Variants in EPHB1 observed in about 807,000 individuals in gnomAD.
The protein encoded by EPHB1 is EPH receptor B1.
In EPHB1, 30 loss-of-function variants were observed where a neutral mutation model predicts 94.4. That is an observed-to-expected ratio of 0.32 (90% CI 0.24 to 0.43). The LOEUF (loss-of-function observed/expected upper bound fraction) is 0.43. Ranked by LOEUF, EPHB1 falls within the 20% of genes least tolerant of loss-of-function variation. EPHB1 has a pLI of 1.00. For missense variants in EPHB1, 1,055 were observed against 1,308.3 expected (o/e 0.81, Z 2.99); for synonymous variants, 522 against 489.1 (o/e 1.07, Z -0.89).
intron 1 of EPHB1, among the ~76,000 whole-genome samples, chr3:134,844,056 T>C (rs58785038): frequency 8.6e-4 from 131 of 152,344 alleles, no homozygotes; most frequent in African/African-American, 3.1e-3. Context: ...TTGTTACTGG[T>C]TTGTTTGTTT....
chr3:134,875,898 G>A (rs939666676), intron 1 of EPHB1, among the ~76,000 whole-genome samples: 11 of 152,072 alleles, frequency 7.2e-5, no homozygotes, highest in African/African-American at 1.9e-4. Context: ...CTGACATCCC[G>A]TGAGCCAGCC....
At chr3:135,083,289 T>G (rs1938225776) in intron 3 of EPHB1, among the ~76,000 whole-genome samples, 1 of 151,644 alleles carries the variant, frequency 6.6e-6, no homozygotes, top group African/African-American at 2.4e-5. Flanking sequence ...CTCTGGCAGG[T>G]GTACAGAGGA....
chr3:134,806,936 G>C (rs1035684284), intron 1 of EPHB1, among the ~76,000 whole-genome samples: 5 of 152,222 alleles, frequency 3.3e-5, no homozygotes, highest in Non-Finnish European at 5.9e-5. Flanking sequence ...ACTTAAAACG[G>C]GGAAGGGAGG....
Position 135,088,617 on chromosome 3 carries a change from G to T in EPHB1, c.806-17831G>T, listed in dbSNP as rs369261865. On this transcript the variant is annotated intron_variant, in intron 3 of 15. Coordinates refer to ENST00000398015, the MANE Select transcript of EPHB1 (RefSeq NM_004441.5). ...CTCATAGTTGAAGATGGCTGCTTGA[G>T]TTCCAACCATCATGTCTACTTTTCA... 1.9e-3 allele frequency among the ~76,000 whole-genome samples: 289 copies of T among 152,246 alleles called. 4 individuals are homozygous for T. The highest frequency in any genetic ancestry group is 6.7e-3 in the African/African-American group (280 of 41,532).
chr3:134,970,487 C>T (rs1933926235), intron 3 of EPHB1, among the ~76,000 whole-genome samples: 1 of 152,168 alleles, frequency 6.6e-6, no homozygotes, highest in African/African-American at 2.4e-5. Flanking sequence ...CTTTGTCTTA[C>T]TTCATGGCAC....
intron 1 of EPHB1, among the ~76,000 whole-genome samples, chr3:134,907,645 A>C (rs528210281): frequency 6.6e-6 from 1 of 151,594 alleles, no homozygotes; most frequent in East Asian, 1.9e-4. Context: ...AAAGTGACTG[A>C]CCCCCCTGCC....
At chr3:135,016,239 C>T (rs897274126) in intron 3 of EPHB1, among the ~76,000 whole-genome samples, 2 of 152,228 alleles carry the variant, frequency 1.3e-5, no homozygotes, top group African/African-American at 2.4e-5. Context: ...CTTCCAGCAA[C>T]AGCCTCTGTT....
At chr3:135,000,524 C>T (rs3853726) in intron 3 of EPHB1, among the ~76,000 whole-genome samples, 22,916 of 152,162 alleles carry the variant, frequency 0.15, 2,506 homozygotes, top group African/African-American at 0.3. Flanking sequence ...TTTTCTTTTT[C>T]GTATTCTTCC....
At chr3:134,820,073 G>A (rs929213344) in intron 1 of EPHB1, among the ~76,000 whole-genome samples, 2 of 150,636 alleles carry the variant, frequency 1.3e-5, no homozygotes, top group Admixed American at 6.6e-5. Flanking sequence ...CACCCCTCCT[G>A]TCATTCAGGG....
At chr3:134,973,519 C>T (rs1578244263) in intron 3 of EPHB1, among the ~76,000 whole-genome samples, 1 of 149,582 alleles carries the variant, frequency 6.7e-6, no homozygotes, top group South Asian at 2.2e-4. Flanking sequence ...GCAACCTCCA[C>T]CTCCTGGGTT....
intron 3 of EPHB1, among the ~76,000 whole-genome samples, chr3:135,088,675 C>A (rs1424127196): frequency 6.6e-6 from 1 of 152,148 alleles, no homozygotes; most frequent in Non-Finnish European, 1.5e-5. Flanking sequence ...GGAAGAAGAG[C>A]TAACTTTCTC....
chr3:135,017,810 G>A (rs1164884741), intron 3 of EPHB1, among the ~76,000 whole-genome samples: 2 of 152,210 alleles, frequency 1.3e-5, no homozygotes, highest in Admixed American at 1.3e-4. Context: ...GTCAAGGACT[G>A]TGTCTTTTCA....
chr3:135,054,817 C>A (rs761949032), intron 3 of EPHB1, among the ~76,000 whole-genome samples: 38 of 152,086 alleles, frequency 2.5e-4, no homozygotes, highest in Non-Finnish European at 5.3e-4. Context: ...GGGTTTTATC[C>A]CTTTCCTTTC....
chr3:135,173,086 G>A (rs1941854557), intron 9 of EPHB1, among the ~76,000 whole-genome samples: 1 of 149,246 alleles, frequency 6.7e-6, no homozygotes, highest in Non-Finnish European at 1.5e-5. Flanking sequence ...CCAGGCTGGA[G>A]TGCAGTGGCG....
At chr3:135,048,339 G>A (rs1486956168) in intron 3 of EPHB1, among the ~76,000 whole-genome samples, 1 of 123,238 alleles carries the variant, frequency 8.1e-6, no homozygotes, top group Non-Finnish European at 1.6e-5. Flanking sequence ...CCAACATCAT[G>A]GCTTACTGCA....
chr3:134,996,040 A>G (rs1266788547), intron 3 of EPHB1, among the ~76,000 whole-genome samples: 1 of 152,124 alleles, frequency 6.6e-6, no homozygotes. Context: ...TGTCCATGCT[A>G]TCATGTTAAC....
chr3:134,897,825 A>G (rs1341780456), intron 1 of EPHB1, among the ~76,000 whole-genome samples: 3 of 152,108 alleles, frequency 2.0e-5, no homozygotes, highest in Non-Finnish European at 2.9e-5. Flanking sequence ...CACTCCCTCC[A>G]TGGGGAGAAA....
At chr3:135,185,926 C>G (rs116498844) in intron 10 of EPHB1, among the ~76,000 whole-genome samples, 1 of 152,242 alleles carries the variant, frequency 6.6e-6, no homozygotes, top group Non-Finnish European at 1.5e-5. Context: ...GACTGTCCCA[C>G]ATGCCCTGGA....
intron 3 of EPHB1, among the ~76,000 whole-genome samples, chr3:135,054,749 C>T (rs933873866): frequency 3.9e-5 from 6 of 152,156 alleles, no homozygotes; most frequent in Non-Finnish European, 5.9e-5. Context: ...ACAAATATTA[C>T]GTATTCATTC....
Sources: allele counts gnomAD v4.1 joint callset (sites outside exome capture counted in the v4.1 genomes callset), GRCh38; gene constraint gnomAD v4.1.1; transcripts MANE v1.5; gene names NCBI Gene and HGNC (gene_info 2026-07-23, HGNC 2026-07-21).